SRRM4: variants seen among roughly 807,000 people sequenced by gnomAD.
SRRM4 encodes the protein serine/arginine repetitive matrix protein 4.
SRRM4 carries 33 observed loss-of-function variants against 68.9 expected under a neutral mutation model. The observed-to-expected ratio is 0.48, with a 90% CI of 0.36 to 0.64. The LOEUF (loss-of-function observed/expected upper bound fraction) is 0.64, where lower values mean the gene tolerates loss of function less well. SRRM4 is among the 30% of genes least tolerant of loss of function. The pLI, the probability that SRRM4 is intolerant of heterozygous loss-of-function variation, is 0.00. For missense variants in SRRM4, 817 were observed against 827.1 expected (o/e 0.99, Z 0.15); for synonymous variants, 318 against 318.8 (o/e 1.00, Z 0.03).
At chr12:119,156,382 C>T in intron 12 of SRRM4, 113 bp from the exon 13 acceptor site, 2 of 1,441,240 alleles carry the variant, frequency 1.4e-6, no homozygotes, top group South Asian at 1.5e-5. Flanking sequence ...GTATTTTTTC[C>T]TAAGGGACTG....
At chr12:119,145,817 G>A in intron 9 of SRRM4, 132 bp downstream of exon 9, 1 of 852,066 alleles carries the variant, frequency 1.2e-6, no homozygotes, top group Non-Finnish European at 1.7e-6. Context: ...ACTCAACTCA[G>A]ACTGGCTTGT....
chr12:119,061,362 G>A (rs1953811233), intron 1 of SRRM4, among the ~76,000 whole-genome samples: 1 of 152,126 alleles, frequency 6.6e-6, no homozygotes, highest in African/African-American at 2.4e-5. Flanking sequence ...TCAAATCCAG[G>A]GGCTTTGCTG....
At chr12:119,068,527 C>A (rs1481593980) in intron 1 of SRRM4, among the ~76,000 whole-genome samples, 3 of 152,186 alleles carry the variant, frequency 2.0e-5, no homozygotes, top group African/African-American at 7.2e-5. Flanking sequence ...GGCGCCTCAT[C>A]CAAACTCCAC....
At chr12:119,150,508 T>C (rs73412027) in intron 9 of SRRM4, among the ~76,000 whole-genome samples, 3,300 of 152,246 alleles carry the variant, frequency 0.022, 125 homozygotes, top group African/African-American at 0.074. Flanking sequence ...TAAAAACACA[T>C]ATGATTAAAA....
chr12:119,143,717 G>A (rs1954382133), intron 8 of SRRM4, among the ~76,000 whole-genome samples: 1 of 152,104 alleles, frequency 6.6e-6, no homozygotes, highest in Non-Finnish European at 1.5e-5. Context: ...CTTGAAGCAT[G>A]GTCTACCTGC....
rs192446334 is a variant in SRRM4 at position 118,989,269 on chromosome 12, G to A, written c.131+7256G>A. ...ACAGCAATATCAGAAGATTGGCTGG[G>A]TCCCTCCATGTGTTATGGACAAGCA... On this transcript the variant is annotated intron_variant, in intron 1 of 12. Transcript: ENST00000267260. Among the ~76,000 whole-genome samples the A allele has an allele frequency of 1.6e-3, 246 of 152,270 alleles. 1 individual carries two copies. The highest frequency in any genetic ancestry group is 5.6e-3 in the African/African-American group (234 of 41,556).
chr12:118,985,345 A>C (rs931927027), intron 1 of SRRM4, among the ~76,000 whole-genome samples: 4 of 152,236 alleles, frequency 2.6e-5, no homozygotes, highest in Non-Finnish European at 4.4e-5. Context: ...TCCATGGAGC[A>C]TTCTGTTGGT....
rs1369730997 is a variant in SRRM4, at chr12:119,151,059, G to A, written c.1119G>A (p.Lys373=). Residue 373 remains lysine (K), a synonymous_variant, in exon 10 of 13, where the codon AAG becomes AAA. Transcript: ENST00000267260. Reference sequence around the variant, plus strand: ...GTCTGGAATGTGCCGAAGTGAAGAAGTCCAGTTTGGTCCCATCCACAGCCC... The same window carrying A: ...GTCTGGAATGTGCCGAAGTGAAGAAATCCAGTTTGGTCCCATCCACAGCCC... ...SPCLECAEVK[K]SSLVPSTARS... 4 of 1,613,892 alleles carry A rather than the reference G, an allele frequency of 2.5e-6. No individual in the cohort carries two copies. Among genetic ancestry groups the A allele is most frequent in the Admixed American group, 1.7e-5 (1 of 60,008 alleles).
intron 1 of SRRM4, among the ~76,000 whole-genome samples, chr12:119,085,280 T>G (rs866954402): frequency 3.3e-5 from 5 of 152,236 alleles, no homozygotes; most frequent in African/African-American, 1.2e-4. Flanking sequence ...ATTTTCACCA[T>G]TAATCCTTGC....
At chr12:119,011,017 AAT>A (rs1235814351) in intron 1 of SRRM4, among the ~76,000 whole-genome samples, 1 of 152,192 alleles carries the variant, frequency 6.6e-6, no homozygotes, top group East Asian at 1.9e-4. Context: ...ACTCTATATA[AAT>A]ATATATGTGT....
rs78968109 is a variant in SRRM4 at position 119,145,420 on chromosome 12, A to T, written c.811A>T (p.Thr271Ser). The T allele has an allele frequency of 6.2e-7, 1 of 1,606,448 alleles. No homozygotes were observed. The highest frequency in any genetic ancestry group is 8.5e-7 in the Non-Finnish European group (1 of 1,176,538). Reference sequence around the variant, plus strand: ...GTCTGCTGCTGACCTCTTTACCAAAACAGCCAGCCCGCTCACCACCTCGCG... The same window carrying T: ...GTCTGCTGCTGACCTCTTTACCAAATCAGCCAGCCCGCTCACCACCTCGCG... ...SGSAADLFTKTASPLTTSRGR... is the reference protein window; with the variant it reads ...SGSAADLFTKSASPLTTSRGR... The change falls in exon 9 of 13, where the codon ACA becomes TCA. Residue 271 changes from threonine (T) to serine (S), a missense_variant. Transcript: ENST00000267260.
In SRRM4 at chr12:119,161,145, A is replaced by C. The variant is rs1178294211; in HGVS notation, c.*4347A>C. 1 of 152,298 alleles carries C rather than the reference A, an allele frequency of 6.6e-6. No homozygotes were observed. The highest frequency in any genetic ancestry group is 2.1e-4 in the South Asian group (1 of 4,816). 9.4% of individuals were successfully genotyped at this position (152,298 alleles called of 1,614,324 possible). ...GTTTTCCTTCTCCAGTCCAACTTTC[A>C]TCTTTTCTTCTGCTGTTTTCTTTTC... is the stretch of plus-strand genomic sequence containing the variant. On this transcript the variant is annotated 3_prime_UTR_variant, in exon 13 of 13. Coordinates refer to ENST00000267260, the MANE Select transcript of SRRM4 (RefSeq NM_194286.4).
intron 8 of SRRM4, among the ~76,000 whole-genome samples, chr12:119,131,176 G>T (rs544143592): frequency 6.6e-6 from 1 of 152,202 alleles, no homozygotes; most frequent in East Asian, 1.9e-4. Flanking sequence ...TTTTGGGAGA[G>T]AAAGGAAAAG....
chr12:119,074,469 G>A (rs919984517), intron 1 of SRRM4, among the ~76,000 whole-genome samples: 2 of 152,144 alleles, frequency 1.3e-5, no homozygotes, highest in African/African-American at 4.8e-5. Context: ...TATAAGCCTT[G>A]TGGTAAGGCT....
rs530568357 is a variant in SRRM4, at chr12:119,125,886, A to C, written c.614+407A>C. On this transcript the variant is annotated intron_variant, in intron 7 of 12. Transcript: ENST00000267260. ...TGGTGAGCCAAGATCACGCCATTGCACTCCAGCCTGGGTGACAGAACAAGA... is the reference window on the plus strand; with the variant it reads ...TGGTGAGCCAAGATCACGCCATTGCCCTCCAGCCTGGGTGACAGAACAAGA... Among the ~76,000 whole-genome samples, 64 of 150,082 alleles carry C rather than the reference A, an allele frequency of 4.3e-4. 1 individual carries two copies. The South Asian group carries it at 0.012, about 29-fold the overall frequency.
At chr12:119,063,984 G>A (rs778772755) in intron 1 of SRRM4, among the ~76,000 whole-genome samples, 7 of 152,026 alleles carry the variant, frequency 4.6e-5, no homozygotes, top group Non-Finnish European at 7.4e-5. Flanking sequence ...AACATAAGAA[G>A]AGCTCATACT....
Position 119,125,488 on chromosome 12 carries a change from T to G in SRRM4, c.614+9T>G. On this transcript the variant is annotated intron_variant, in intron 7 of 12. Coordinates refer to ENST00000267260, the MANE Select transcript of SRRM4 (RefSeq NM_194286.4). ...TCAAGCTGTGAGAGCAGGTAACCCC[T>G]TGCCCCAGGATCCTCTTCTGTCAGC... 6.3e-7 allele frequency: 1 copy of G among 1,598,724 alleles called. No individual in the cohort carries two copies. Among genetic ancestry groups the G allele is most frequent in the Non-Finnish European group, 8.5e-7 (1 of 1,170,822 alleles).
intron 1 of SRRM4, among the ~76,000 whole-genome samples, chr12:119,033,409 T>C (rs1333181756): frequency 6.6e-6 from 1 of 152,216 alleles, no homozygotes; most frequent in Non-Finnish European, 1.5e-5. Context: ...CTCACACCTG[T>C]AATCCCAGCA....
In SRRM4 at chr12:119,138,313, C is replaced by T. The variant is rs553539831; in HGVS notation, c.772-7068C>T. On this transcript the variant is annotated intron_variant, in intron 8 of 12. Coordinates refer to ENST00000267260, the MANE Select transcript of SRRM4 (RefSeq NM_194286.4). Reference sequence around the variant, plus strand: ...AGCATGTCTGAAACAAAGCATAACTCGGCTCACCGGTTTTCCAGTGTTGAC... The same window carrying T: ...AGCATGTCTGAAACAAAGCATAACTTGGCTCACCGGTTTTCCAGTGTTGAC... Among the ~76,000 whole-genome samples, 89 of 152,274 alleles carry T rather than the reference C, an allele frequency of 5.8e-4. 2 individuals carry two copies. In the South Asian group the frequency reaches 0.018, roughly 31 times the overall value.
Sources: gnomAD v4.1 joint callset for allele counts (sites outside exome capture counted in the v4.1 genomes callset) on GRCh38, gnomAD v4.1.1 for gene constraint, MANE v1.5 for transcripts, NCBI Gene and HGNC (gene_info 2026-07-23, HGNC 2026-07-21) for gene names.